Variants in APP observed in about 807,000 individuals in gnomAD.
APP encodes the protein amyloid-beta precursor protein.
APP carries 31 observed loss-of-function variants against 101.4 expected under a neutral mutation model. That is an observed-to-expected ratio of 0.31 (90% CI 0.23 to 0.41). APP has a LOEUF of 0.41. Ranked by LOEUF, APP falls within the 10% of genes least tolerant of loss-of-function variation. The probability of loss-of-function intolerance (pLI) is 1.00; values close to 1 mark genes in which losing one functional copy is unlikely to be tolerated. For synonymous variants in APP, 366 were observed against 364.4 expected (o/e 1.00, Z -0.05); for missense variants, 839 against 1,003.7 (o/e 0.84, Z 2.22).
At position 26,170,652 on chromosome 21, in the gene APP, C is replaced by A; in HGVS notation, c.-32G>T. The A allele has an allele frequency of 6.5e-7, 1 of 1,527,882 alleles. No homozygotes were observed. The highest frequency in any genetic ancestry group is 8.8e-7 in the Non-Finnish European group (1 of 1,142,714). 94.6% of individuals were successfully genotyped at this position (1,527,882 alleles called of 1,614,324 possible). ...CCTGCGCGGGGCACCGAGTGCGCTG[C>A]TGTGCGAGTGGGATCCGCCGCGTCC... is the stretch of plus-strand genomic sequence containing the variant. On this transcript the variant is annotated 5_prime_UTR_variant, in exon 1 of 18. Transcript: ENST00000346798.
intron 6 of APP, among the ~76,000 whole-genome samples, chr21:26,010,293 G>T (rs887247307): frequency 1.3e-5 from 2 of 151,622 alleles, no homozygotes; most frequent in African/African-American, 2.4e-5. Context: ...ATATGCATAC[G>T]CAATGTTTCA....
intron 2 of APP, among the ~76,000 whole-genome samples, chr21:26,111,440 T>C (rs948424839): frequency 6.6e-6 from 1 of 151,954 alleles, no homozygotes; most frequent in African/African-American, 2.4e-5. Context: ...ATACTGAAGA[T>C]GAAAGGAGTG....
At chr21:26,141,624 G>T (rs1156401223) in intron 1 of APP, among the ~76,000 whole-genome samples, 1 of 152,176 alleles carries the variant, frequency 6.6e-6, no homozygotes, top group African/African-American at 2.4e-5. Context: ...AAGACACTAT[G>T]AGCCAATCAA....
chr21:25,897,090 C>T (rs1245370365), intron 16 of APP, among the ~76,000 whole-genome samples: 4 of 152,094 alleles, frequency 2.6e-5, no homozygotes, highest in Admixed American at 2.0e-4. Context: ...AACTTTGCTG[C>T]CTTGTAGTCT....
intron 15 of APP, 120 bp downstream of exon 15, chr21:25,904,904 C>T (rs981735000): frequency 5.7e-6 from 5 of 882,588 alleles, no homozygotes; most frequent in Admixed American, 4.0e-5. Flanking sequence ...TCTAAGGTCA[C>T]TTCAAATTCT....
At chr21:25,897,528 T>G in intron 16 of APP, 45 bp downstream of exon 16, 1 of 1,431,556 alleles carries the variant, frequency 7.0e-7, no homozygotes, top group Non-Finnish European at 9.9e-7. Context: ...ATAGGTCATT[T>G]GGCAAGACAA....
intron 1 of APP, among the ~76,000 whole-genome samples, chr21:26,124,029 C>T (rs1482927232): frequency 6.6e-6 from 1 of 151,546 alleles, no homozygotes; most frequent in Non-Finnish European, 1.5e-5. Context: ...AGTTACTTCA[C>T]TGTCTAGGGG....
At chr21:25,931,372 C>A (rs1163413554) in intron 13 of APP, among the ~76,000 whole-genome samples, 1 of 152,158 alleles carries the variant, frequency 6.6e-6, no homozygotes, top group Non-Finnish European at 1.5e-5. Flanking sequence ...AAAAGGGAAG[C>A]AGCTTAGCCA....
At chr21:25,883,722 G>C (rs1389238876) in intron 17 of APP, among the ~76,000 whole-genome samples, 1 of 152,112 alleles carries the variant, frequency 6.6e-6, no homozygotes. Flanking sequence ...AAATAAATCT[G>C]TCAGTATAAT....
chr21:25,948,992 G>A (rs1275309507), intron 13 of APP, among the ~76,000 whole-genome samples: 1 of 151,978 alleles, frequency 6.6e-6, no homozygotes, highest in African/African-American at 2.4e-5. Flanking sequence ...TATTAATGAA[G>A]ACCTACATAG....
chr21:25,991,598 G>A (rs943101156), intron 8 of APP, among the ~76,000 whole-genome samples: 2 of 152,140 alleles, frequency 1.3e-5, no homozygotes, highest in South Asian at 2.1e-4. Context: ...GGCTGGTCTC[G>A]AATTCCTGAC....
At chr21:26,095,399 T>C (rs1177281068) in intron 2 of APP, among the ~76,000 whole-genome samples, 1 of 152,250 alleles carries the variant, frequency 6.6e-6, no homozygotes, top group East Asian at 1.9e-4. Context: ...CTACCTGCCA[T>C]TGATCACTTC....
intron 3 of APP, 141 bp downstream of exon 3, chr21:26,089,802 A>G (rs2146111184): frequency 4.6e-6 from 6 of 1,303,080 alleles, no homozygotes; most frequent in Middle Eastern, 2.7e-4. Context: ...TGTAACTGCA[A>G]GAGTCCAAAA....
In APP at chr21:26,026,909, C is replaced by T. The variant is rs537909857; in HGVS notation, c.663-4867G>A. 5.9e-5 allele frequency among the ~76,000 whole-genome samples: 9 copies of T among 152,190 alleles called. No individual in the cohort carries two copies. The South Asian group carries it at 6.2e-4, about 11-fold the overall frequency. On this transcript the variant is annotated intron_variant, in intron 5 of 17. Transcript: ENST00000346798. The stretch of plus-strand genomic sequence containing the variant: ...TTGTAACAAATCGCTCTAAGGGGGA[C>T]GCTGATAATGGGAGAGGCTGTGCAA...
chr21:26,149,960 G>A (rs1419408964), intron 1 of APP, among the ~76,000 whole-genome samples: 1 of 152,148 alleles, frequency 6.6e-6, no homozygotes, highest in African/African-American at 2.4e-5. Context: ...TTTAATACTT[G>A]TAGAAAAGGG....
At chr21:26,115,549 G>A (rs898537063) in intron 1 of APP, among the ~76,000 whole-genome samples, 49 of 152,094 alleles carry the variant, frequency 3.2e-4, no homozygotes, top group Non-Finnish European at 2.4e-4. Context: ...GTTGCTAAGC[G>A]CAGCCACTCC....
At chr21:25,974,972 TCTC>T in intron 11 of APP, 95 bp downstream of exon 11, 1 of 1,538,228 alleles carries the variant, frequency 6.5e-7, no homozygotes, top group South Asian at 1.2e-5. Flanking sequence ...TCAAGGCATT[TCTC>T]CTCATTCTTT....
At chr21:26,090,128 C>T (rs913516148) in intron 2 of APP, 56 bp from the exon 3 acceptor site, 7 of 1,608,806 alleles carry the variant, frequency 4.4e-6, no homozygotes, top group African/African-American at 2.7e-5. Context: ...CTGGCATTTA[C>T]AAGCATCTAA....
At chr21:26,110,145 G>T (rs2062278723) in intron 2 of APP, among the ~76,000 whole-genome samples, 1 of 152,130 alleles carries the variant, frequency 6.6e-6, no homozygotes, top group Admixed American at 6.6e-5. Flanking sequence ...GAATGTTCTT[G>T]TAAAAATACA....
Sources: gnomAD v4.1 joint callset for allele counts (sites outside exome capture counted in the v4.1 genomes callset) on GRCh38, gnomAD v4.1.1 for gene constraint, MANE v1.5 for transcripts, NCBI Gene and HGNC (gene_info 2026-07-23, HGNC 2026-07-21) for gene names.